STS: variants seen among roughly 807,000 people sequenced by gnomAD.
STS encodes steroid sulfatase.
STS carries 7 observed loss-of-function variants against 26.8 expected under a neutral mutation model. The observed-to-expected ratio is 0.26, with a 90% CI of 0.15 to 0.49. STS has a LOEUF of 0.49. STS is among the 20% of genes least tolerant of loss of function. The pLI is 0.98. For missense variants in STS, 434 were observed against 465.6 expected (o/e 0.93, Z 0.63); for synonymous variants, 199 against 189.4 (o/e 1.05, Z -0.42).
intron 8 of STS, among the ~76,000 whole-genome samples, chrX:7,320,634 A>T (rs1053822732): frequency 2.7e-5 from 3 of 111,794 alleles, no homozygotes; most frequent in African/African-American, 9.8e-5. Context: ...GTTTGATGGA[A>T]CAGAAGGAAA....
intron 7 of STS, among the ~76,000 whole-genome samples, chrX:7,297,152 A>G (rs1925705035): frequency 8.9e-6 from 1 of 112,079 alleles, no homozygotes; most frequent in Admixed American, 9.5e-5. Context: ...GTGAAATTCC[A>G]GCCATCTCTT....
At chrX:7,261,065 ATAT>A (rs2088574789) in intron 6 of STS, among the ~76,000 whole-genome samples, 1 of 111,366 alleles carries the variant, frequency 9.0e-6, no homozygotes, top group African/African-American at 3.3e-5. Context: ...AATTAAGTAG[ATAT>A]TATATAGAGG....
chrX:7,349,711 G>T (rs1471340154), intron 10 of STS, among the ~76,000 whole-genome samples, 177 bp from the exon 11 acceptor site: 1 of 111,258 alleles, frequency 9.0e-6, no homozygotes, highest in Non-Finnish European at 1.9e-5. Flanking sequence ...TGTGTGTGTG[G>T]GCGTCTATGT....
At chrX:7,348,750 A>C (rs1928635238) in intron 10 of STS, among the ~76,000 whole-genome samples, 3 of 111,916 alleles carry the variant, frequency 2.7e-5, no homozygotes, top group African/African-American at 9.7e-5. Flanking sequence ...GGTGTTGATG[A>C]ATTCCCCTAA....
intron 2 of STS, among the ~76,000 whole-genome samples, chrX:7,202,409 A>G (rs1018053017): frequency 3.6e-5 from 4 of 111,354 alleles, no homozygotes; most frequent in Admixed American, 9.6e-5. Flanking sequence ...GTATTTAAGT[A>G]TTATTAATTT....
intron 8 of STS, among the ~76,000 whole-genome samples, chrX:7,307,885 A>G (rs527552059): frequency 8.9e-6 from 1 of 112,409 alleles, no homozygotes; most frequent in South Asian, 3.7e-4. Context: ...CAACTATGGG[A>G]CATATGTTAA....
intron 7 of STS, among the ~76,000 whole-genome samples, chrX:7,279,295 AT>A (rs1220731625): frequency 2.9e-4 from 19 of 64,883 alleles, no homozygotes; most frequent in Middle Eastern, 7.2e-3. Context: ...AAAAAAAAAT[AT>A]ATATATATAT....
chrX:7,242,307 CTT>C (rs1195004275), intron 2 of STS, among the ~76,000 whole-genome samples: 1 of 110,322 alleles, frequency 9.1e-6, no homozygotes, highest in African/African-American at 3.3e-5. Flanking sequence ...TTAATAATAA[CTT>C]TATAAGTTAA....
chrX:7,186,114 T>C (rs1331471996), intron 1 of STS, among the ~76,000 whole-genome samples: 2 of 112,666 alleles, frequency 1.8e-5, no homozygotes, highest in African/African-American at 6.4e-5. Context: ...TATTACTTCT[T>C]AGTACTTCCC....
chrX:7,241,976 A>G (rs1183181094), intron 2 of STS, among the ~76,000 whole-genome samples: 1 of 110,910 alleles, frequency 9.0e-6, no homozygotes, highest in East Asian at 2.8e-4. Flanking sequence ...TCTTTTTCTT[A>G]TAACATGGGT....
At chrX:7,172,497 G>A (rs989001875) in intron 1 of STS, among the ~76,000 whole-genome samples, 10 of 111,376 alleles carry the variant, frequency 9.0e-5, no homozygotes, top group Non-Finnish European at 1.9e-4. Context: ...TTCTCTTATA[G>A]GCAAGTCAAC....
rs55819541 is a variant in STS, at chrX:7,238,121, G to GGTGTGTGT, written c.-4-15042_-4-15035dup. ...TTTTTATGGCTGAGTAGTATTCCAT[G>GGTGTGTGT]GTGTGTGTGTGTGTGTGTGTGTGTG... On this transcript the variant is annotated intron_variant, in intron 2 of 10. Transcript: ENST00000674429. Among the ~76,000 whole-genome samples, 306 of 88,531 alleles carry GGTGTGTGT rather than the reference G, an allele frequency of 3.5e-3. 1 individual carries two copies. The highest frequency in any genetic ancestry group is 0.015 in the South Asian group (22 of 1,429). 76.9% of individuals were successfully genotyped at this position (88,531 alleles called of 115,157 possible).
At chrX:7,178,046 C>T (rs1023919673) in intron 1 of STS, among the ~76,000 whole-genome samples, 3 of 110,108 alleles carry the variant, frequency 2.7e-5, no homozygotes, top group South Asian at 3.9e-4. Flanking sequence ...ACCTTGGTCT[C>T]CCAAAGAGCT....
At chrX:7,261,347 A>C (rs1450351043) in intron 6 of STS, among the ~76,000 whole-genome samples, 1 of 111,976 alleles carries the variant, frequency 8.9e-6, no homozygotes, top group Non-Finnish European at 1.9e-5. Flanking sequence ...CAATCTCTGG[A>C]TTGAACAATG....
intron 2 of STS, among the ~76,000 whole-genome samples, chrX:7,205,962 G>C (rs756364181): frequency 9.1e-6 from 1 of 110,243 alleles, no homozygotes; most frequent in East Asian, 2.9e-4. Context: ...TAATTGTCTT[G>C]TACCACTCAG....
chrX:7,299,025 TA>T (rs1449815744), intron 7 of STS, among the ~76,000 whole-genome samples: 2 of 55,419 alleles, frequency 3.6e-5, no homozygotes, highest in African/African-American at 1.4e-4. Context: ...TATATAAATA[TA>T]TTTTATTTAT....
At chrX:7,286,856 A>G (rs1925159473) in intron 7 of STS, among the ~76,000 whole-genome samples, 1 of 112,386 alleles carries the variant, frequency 8.9e-6, no homozygotes, top group African/African-American at 3.2e-5. Context: ...CAAATAGGAT[A>G]GACCATTTGT....
At chrX:7,339,049 C>T (rs1928165629) in intron 10 of STS, among the ~76,000 whole-genome samples, 1 of 111,672 alleles carries the variant, frequency 9.0e-6, no homozygotes, top group Non-Finnish European at 1.9e-5. Flanking sequence ...GAAAAGTGCT[C>T]GCATGGCTCA....
chrX:7,254,957 C>T (rs1184999559), intron 3 of STS, among the ~76,000 whole-genome samples: 13 of 111,809 alleles, frequency 1.2e-4, no homozygotes, highest in South Asian at 3.7e-4. Flanking sequence ...TGCCATGGGG[C>T]GCTGGTTATT....
Sources: allele counts gnomAD v4.1 joint callset (sites outside exome capture counted in the v4.1 genomes callset), GRCh38; gene constraint gnomAD v4.1.1; transcripts MANE v1.5; gene names NCBI Gene and HGNC (gene_info 2026-07-23, HGNC 2026-07-21).